GPR143: variants seen among roughly 807,000 people sequenced by gnomAD.
GPR143 encodes the protein G-protein coupled receptor 143.
GPR143 carries 8 observed loss-of-function variants against 27.6 expected under a neutral mutation model. That is an observed-to-expected ratio of 0.29 (90% confidence interval 0.17 to 0.52). The LOEUF is 0.52. Among genes scored for constraint, GPR143 ranks in the 20% least tolerant of loss-of-function variants. GPR143 has a pLI of 0.96. For synonymous variants in GPR143, 156 were observed against 153.2 expected, an observed-to-expected ratio of 1.02 and a Z score of -0.13; for missense variants, 303 against 343.1, an observed-to-expected ratio of 0.88 and a Z score of 0.92.
At chrX:9,773,027 C>T (rs1219081089) in intron 1 of GPR143, among the ~76,000 whole-genome samples, 1 of 110,357 alleles carries the variant, frequency 9.1e-6, no homozygotes, top group African/African-American at 3.3e-5. Context: ...ACAACAGAGC[C>T]ACAAATAAAT....
intron 4 of GPR143, among the ~76,000 whole-genome samples, chrX:9,746,676 T>C (rs1158803577): frequency 1.8e-5 from 2 of 111,152 alleles, no homozygotes; most frequent in African/African-American, 6.5e-5. Flanking sequence ...TCAGAGGTTC[T>C]TGTCAGAGAA....
rs186055724 is a variant in GPR143, at chrX:9,759,343, C to T, written c.444G>A (p.Ser148=). ...TCCTCGGTGAATACCTCAGTCCTGC[C>T]GATCTCCGGATCACCAGATAAGCAT... ...AVDAYLVIRR[S]AGLSTILLYH... is the part of the protein sequence containing the mutation. The change falls in exon 3 of 9, where the codon TCG becomes TCA. Residue 148 remains serine, a synonymous_variant. Transcript: ENST00000467482. 33 of 1,172,139 alleles carry T rather than the reference C, an allele frequency of 2.8e-5. No individual in the cohort carries two copies. The highest frequency in any genetic ancestry group is 2.7e-4 in the East Asian group (9 of 33,124).
intron 1 of GPR143, among the ~76,000 whole-genome samples, chrX:9,763,090 C>T (rs2083510463): frequency 2.8e-5 from 3 of 108,061 alleles, no homozygotes; most frequent in Non-Finnish European, 5.8e-5. Context: ...CATGACGGGC[C>T]TTTTTTTTGT....
chrX:9,763,259 G>A (rs966263798), intron 1 of GPR143, among the ~76,000 whole-genome samples: 6 of 110,740 alleles, frequency 5.4e-5, no homozygotes, highest in Non-Finnish European at 7.6e-5. Context: ...TAGGAGGATC[G>A]CTTGAGCCTA....
chrX:9,732,900 T>A (rs1015347467), intron 8 of GPR143, among the ~76,000 whole-genome samples: 2 of 106,632 alleles, frequency 1.9e-5, no homozygotes, highest in Non-Finnish European at 3.8e-5. Flanking sequence ...TGGCAAATTC[T>A]GAGAGAAAGA....
chrX:9,759,434 C>T lies in GPR143; in HGVS notation c.361-8G>A, dbSNP rs373296925. 4.2e-5 allele frequency: 48 copies of T among 1,131,245 alleles called. No homozygotes were observed. Among genetic ancestry groups the T allele is most frequent in the South Asian group, 4.2e-4 (22 of 52,741 alleles). 93.2% of individuals were successfully genotyped at this position (1,131,245 alleles called of 1,213,427 possible). On this transcript the variant is annotated splice_region_variant and splice_polypyrimidine_tract_variant and intron_variant, in intron 2 of 8. Coordinates refer to ENST00000467482, the MANE Select transcript of GPR143 (RefSeq NM_000273.3). ...CAACAGCTGGATCCACATCTGCAAT[C>T]GGGAAGAGCCTGCATCAAAATGTCT...
intron 4 of GPR143, among the ~76,000 whole-genome samples, chrX:9,746,749 G>A (rs2083430117): frequency 9.1e-6 from 1 of 109,776 alleles, no homozygotes; most frequent in African/African-American, 3.3e-5. Flanking sequence ...TGTGCTGGAG[G>A]GCCTCACAAA....
intron 8 of GPR143, among the ~76,000 whole-genome samples, chrX:9,736,355 C>T (rs1306349342): frequency 8.9e-6 from 1 of 111,993 alleles, no homozygotes; most frequent in Admixed American, 9.5e-5. Flanking sequence ...GGTTACCATA[C>T]AAAATGGTGA....
At chrX:9,729,325 C>A (rs763983422) in intron 8 of GPR143, among the ~76,000 whole-genome samples, 4 of 111,470 alleles carry the variant, frequency 3.6e-5, no homozygotes, top group Admixed American at 9.5e-5. Flanking sequence ...TTCAAATAGA[C>A]TCTGGGCTGG....
At chrX:9,764,819 G>C (rs1435033014) in intron 1 of GPR143, among the ~76,000 whole-genome samples, 1 of 110,665 alleles carries the variant, frequency 9.0e-6, no homozygotes, top group East Asian at 2.8e-4. Flanking sequence ...CTGAGGTCAG[G>C]AGTTCGAGAG....
Position 9,765,649 on chromosome X carries a change from G to C in GPR143, c.169C>G (p.Pro57Ala). ...QLLPGRRPAG[P>A]GSPATSPPAS... ...GGCGGGGACGTCGCGGGGGACCCGG[G>C]GCCCGCGGGCCGGCGGCCGGGCAGC... The change falls in exon 1 of 9, where the codon CCC becomes GCC. Residue 57 changes from proline to alanine, a missense_variant. Physicochemically the swap from Pro to Ala is conservative, Grantham distance 27. Transcript: ENST00000467482. The C allele has an allele frequency of 1.0e-6, 1 of 982,313 alleles. No individual in the cohort carries two copies. The highest frequency in any genetic ancestry group is 1.3e-6 in the Non-Finnish European group (1 of 784,899). 81.0% of individuals were successfully genotyped at this position (982,313 alleles called of 1,213,427 possible). A position where few individuals can be genotyped will look rare whatever the true frequency, so the allele number is the denominator to read the frequency against.
chrX:9,743,255 C>G (rs1026765053), intron 6 of GPR143, among the ~76,000 whole-genome samples: 2 of 108,328 alleles, frequency 1.8e-5, no homozygotes, highest in Non-Finnish European at 3.8e-5. Flanking sequence ...CATACGCAAC[C>G]CCTTTGTTTT....
intron 8 of GPR143, among the ~76,000 whole-genome samples, chrX:9,733,990 G>A (rs1382297691): frequency 9.5e-6 from 1 of 105,043 alleles, no homozygotes; most frequent in Non-Finnish European, 1.9e-5. Context: ...TGAGGCAGGA[G>A]AATCATTTGA....
intron 1 of GPR143, among the ~76,000 whole-genome samples, chrX:9,773,480 T>TACAC (rs57491053): frequency 0.013 from 1,373 of 102,696 alleles, 15 homozygotes; most frequent in Admixed American, 0.047. Context: ...GCTTTGAAAG[T>TACAC]ACACACACAC....
chrX:9,740,755 T>TTC (rs1280570198), intron 7 of GPR143: 8 of 142,288 alleles, frequency 5.6e-5, no homozygotes, highest in Non-Finnish European at 9.7e-5. Flanking sequence ...CTTTCTTTCT[T>TTC]TTTTTTTTTT....
chrX:9,766,598 G>T (rs1033613725), upstream of GPR143, among the ~76,000 whole-genome samples: 2 of 111,687 alleles, frequency 1.8e-5, no homozygotes, highest in Non-Finnish European at 3.8e-5. Flanking sequence ...TGGTGGCCCA[G>T]GCCTGTGATC....
At chrX:9,759,546 G>C (rs942749507) in intron 2 of GPR143, 120 bp from the exon 3 acceptor site, 1 of 527,532 alleles carries the variant, frequency 1.9e-6, no homozygotes, top group South Asian at 2.5e-5. Context: ...GCACGTGACA[G>C]CTCTCGGGAC....
chrX:9,759,272 A>G, intron 3 of GPR143, 60 bp downstream of exon 3: 1 of 714,270 alleles, frequency 1.4e-6, no homozygotes. Context: ...GCTCAGTGCC[A>G]TCTCTTATCT....
At chrX:9,750,240 C>A (rs1314085326) in intron 3 of GPR143, among the ~76,000 whole-genome samples, 1 of 112,199 alleles carries the variant, frequency 8.9e-6, no homozygotes, top group Non-Finnish European at 1.9e-5. Flanking sequence ...GATAGAGTCT[C>A]ACTCTGTGGC....
Sources: allele counts gnomAD v4.1 joint callset (sites outside exome capture counted in the v4.1 genomes callset), GRCh38; gene constraint gnomAD v4.1.1; transcripts MANE v1.5; gene names NCBI Gene and HGNC (gene_info 2026-07-23, HGNC 2026-07-21).